SPMIP11: variants seen among roughly 807,000 people sequenced by gnomAD.
SPMIP11 encodes long intergenic non-protein coding RNA 935.
the SPMIP11 span, among the ~76,000 whole-genome samples, chr12:48,728,550 TACAA>T: frequency 6.6e-6 from 1 of 151,694 alleles, no homozygotes; most frequent in Non-Finnish European, 1.5e-5. Context: ...CTACTAAAAA[TACAA>T]ACAATTAGCC....
At chr12:48,768,688 G>A in the SPMIP11 span, 1 of 1,614,194 alleles carries the variant, frequency 6.2e-7, no homozygotes, top group Non-Finnish European at 8.5e-7. Context: ...GCCCTTGGCA[G>A]CTAGAACCTG....
At chr12:48,762,385 T>TTTTTTTA in the SPMIP11 span, among the ~76,000 whole-genome samples, 1 of 126,650 alleles carries the variant, frequency 7.9e-6, no homozygotes, top group Non-Finnish European at 1.6e-5. Context: ...TTTTTTTTTT[T>TTTTTTTA]GAGACGGAAT....
chr12:48,769,152 G>A, the SPMIP11 span: 2 of 1,334,406 alleles, frequency 1.5e-6, no homozygotes, highest in Admixed American at 5.3e-5. Context: ...GAAGGACCCA[G>A]AGAAAAAAAT....
At chr12:48,736,413 CAAAAAAAAAAA>C in the SPMIP11 span, among the ~76,000 whole-genome samples, 7 of 71,844 alleles carry the variant, frequency 9.7e-5, no homozygotes, top group Non-Finnish European at 1.1e-4. Flanking sequence ...GACTCTGTCT[CAAAAAAAAAAA>C]AAAAAAAAAA....
the SPMIP11 span, among the ~76,000 whole-genome samples, chr12:48,743,114 A>C: frequency 6.7e-6 from 1 of 150,206 alleles, no homozygotes; most frequent in Non-Finnish European, 1.5e-5. Flanking sequence ...ATACAAAAAT[A>C]AGGCTGGGCG....
chr12:48,768,885 G>A, the SPMIP11 span: 1 of 1,571,870 alleles, frequency 6.4e-7, no homozygotes, highest in East Asian at 2.2e-5. Context: ...AGACACCTGT[G>A]GAAGCCCTCC....
At chr12:48,771,449 G>C in the SPMIP11 span, 1 of 599,508 alleles carries the variant, frequency 1.7e-6, no homozygotes, top group Non-Finnish European at 3.0e-6. The surrounding 1 kb of genome is among the most constrained non-coding windows in gnomAD (Gnocchi z 4.3). Flanking sequence ...CATCCACCTG[G>C]TACCTATCCT....
the SPMIP11 span, chr12:48,768,304 T>G: frequency 2.0e-6 from 1 of 492,434 alleles, no homozygotes; most frequent in Non-Finnish European, 3.7e-6. Flanking sequence ...CCTCTGCTTC[T>G]GCTACTGACC....
chr12:48,757,658 AT>A, the SPMIP11 span, among the ~76,000 whole-genome samples: 81 of 86,226 alleles, frequency 9.4e-4, no homozygotes, highest in East Asian at 0.015. Context: ...AAAAATAAAA[AT>A]AAAAATAAAA....
the SPMIP11 span, chr12:48,770,911 GT>G: frequency 6.2e-7 from 1 of 1,614,250 alleles, no homozygotes; most frequent in Non-Finnish European, 8.5e-7. Context: ...AGGCAGCCAT[GT>G]AGGTGCTACC....
chr12:48,737,459 G>A, the SPMIP11 span, among the ~76,000 whole-genome samples: 17 of 145,352 alleles, frequency 1.2e-4, no homozygotes, highest in Admixed American at 1.2e-3. Context: ...TTATCACCCA[G>A]GCAGGAGTGC....
chr12:48,761,903 T>C, the SPMIP11 span, among the ~76,000 whole-genome samples: 1 of 149,060 alleles, frequency 6.7e-6, no homozygotes, highest in South Asian at 2.1e-4. Context: ...TTTTTTTTTT[T>C]AATAGAGACA....
chr12:48,753,631 T>G, the SPMIP11 span, among the ~76,000 whole-genome samples: 9 of 151,696 alleles, frequency 5.9e-5, no homozygotes, highest in African/African-American at 2.2e-4. Flanking sequence ...CAGCTGGAGA[T>G]CCCATTCTTA....
At chr12:48,768,711 G>A in the SPMIP11 span, 9 of 1,613,852 alleles carry the variant, frequency 5.6e-6, no homozygotes, top group East Asian at 1.6e-4. Flanking sequence ...ACAGGTCCGT[G>A]GTCACCTGGG....
At chr12:48,735,456 G>A in the SPMIP11 span, among the ~76,000 whole-genome samples, 702 of 152,076 alleles carry the variant, frequency 4.6e-3, 2 homozygotes, top group African/African-American at 0.016. Context: ...AAGGTGGCAG[G>A]TGCCTGTAAT....
chr12:48,764,619 G>A, the SPMIP11 span, among the ~76,000 whole-genome samples: 1 of 152,144 alleles, frequency 6.6e-6, no homozygotes. Flanking sequence ...TCTTGGAGAT[G>A]GGCTTACTAG....
the SPMIP11 span, among the ~76,000 whole-genome samples, chr12:48,732,192 T>TAACCCC: frequency 2.0e-5 from 3 of 151,900 alleles, no homozygotes; most frequent in African/African-American, 7.2e-5. Flanking sequence ...CCATTGGAGT[T>TAACCCC]ATTGTTGAAA....
chr12:48,734,353 C>G, the SPMIP11 span, among the ~76,000 whole-genome samples: 1 of 152,148 alleles, frequency 6.6e-6, no homozygotes, highest in African/African-American at 2.4e-5. Context: ...TCAAGGAATC[C>G]TCCCGCCCCA....
At chr12:48,734,416 C>A in the SPMIP11 span, among the ~76,000 whole-genome samples, 1 of 152,250 alleles carries the variant, frequency 6.6e-6, no homozygotes, top group South Asian at 2.1e-4. Context: ...CAGCTTCATT[C>A]TGGGTTTTAT....
Sources: allele counts gnomAD v4.1 joint callset (sites outside exome capture counted in the v4.1 genomes callset), GRCh38; gene constraint gnomAD v4.1.1; non-coding constraint Gnocchi (gnomAD v3.1); transcripts MANE v1.5; gene names NCBI Gene and HGNC (gene_info 2026-07-23, HGNC 2026-07-21).